The following PRR14 variants were observed in gnomAD, a reference collection of about 807,000 sequenced individuals.
PRR14 encodes proline-rich protein 14.
Under a neutral mutation model 57.2 loss-of-function variants are expected in PRR14, and 33 were observed. That is an observed-to-expected ratio of 0.58 (90% CI 0.44 to 0.77). The LOEUF (loss-of-function observed/expected upper bound fraction) is 0.77. Among genes scored for constraint, PRR14 ranks in the 30% least tolerant of loss-of-function variants. The probability of loss-of-function intolerance (pLI) is 0.00; values close to 1 mark genes in which losing one functional copy is unlikely to be tolerated. For synonymous variants in PRR14, 303 were observed against 314.7 expected (o/e 0.96, Z 0.39); for missense variants, 716 against 788.1 (o/e 0.91, Z 1.10).
chr16:30,655,292 G>A lies in PRR14; in HGVS notation c.1245-59G>A. 2 of 1,608,970 alleles carry A rather than the reference G, an allele frequency of 1.2e-6. No homozygotes were observed. The highest frequency in any genetic ancestry group is 1.7e-6 in the Non-Finnish European group (2 of 1,175,816). The stretch of plus-strand genomic sequence containing the variant: ...TCCTTCCCTGAGTATCCAGTGGGCA[G>A]GAGACGGGGGATAATGCAGTGAATC... On this transcript the variant is annotated intron_variant, in intron 8 of 11. Transcript: ENST00000300835. The surrounding 1 kb of genome is among the most constrained non-coding windows in gnomAD (Gnocchi z 4.6).
At chr16:30,650,930 G>A (rs2052304841), upstream of PRR14, 1 of 436,628 alleles carries the variant, frequency 2.3e-6, no homozygotes, top group Admixed American at 2.4e-5. Context: ...GACGCGAGGA[G>A]GGAAGGGGCG....
In PRR14 at chr16:30,651,471, G is replaced by C; in HGVS notation, c.-50-125G>C. The C allele has an allele frequency of 2.0e-6, 1 of 491,638 alleles. No individual in the cohort carries two copies. Among genetic ancestry groups the C allele is most frequent in the Non-Finnish European group, 3.5e-6 (1 of 281,846 alleles). The allele number at this position is 491,638 out of a possible 1,614,324, so 30.5% of individuals were successfully genotyped here. A position where few individuals can be genotyped will look rare whatever the true frequency, so the allele number is the denominator to read the frequency against. ...CCGCTCCGGGCGACCGGCCGGGGGC[G>C]CCCTTTCGCGCCCCAGGGCTGCGGC... On this transcript the variant is annotated intron_variant, in intron 1 of 11. Coordinates refer to ENST00000300835, the MANE Select transcript of PRR14 (RefSeq NM_024031.5). The surrounding 1 kb of genome is among the most constrained non-coding windows in gnomAD (Gnocchi z 5.0).
chr16:30,652,407 C>CT (rs1402108644), intron 3 of PRR14: 22 of 571,902 alleles, frequency 3.8e-5, no homozygotes, highest in Non-Finnish European at 7.1e-5. Context: ...AGGAAGCAGG[C>CT]TGAGGTCTTT....
In PRR14 at chr16:30,653,416, G is replaced by T. The variant is rs376992572; in HGVS notation, c.548+8G>T. The T allele has an allele frequency of 6.2e-7, 1 of 1,612,862 alleles. No homozygotes were observed. The highest frequency in any genetic ancestry group is 1.3e-5 in the African/African-American group (1 of 74,902). ...CATCATCCCAGCACAAAGGTGAGAG[G>T]GCTGGAGTAGGGATTATCAAAGGAT... is the stretch of plus-strand genomic sequence containing the variant. On this transcript the variant is annotated splice_region_variant and intron_variant, in intron 6 of 11. Transcript: ENST00000300835.
In PRR14 at chr16:30,653,346, A is replaced by G. The variant is rs1406570463; in HGVS notation, c.505-19A>G. The G allele has an allele frequency of 6.2e-7, 1 of 1,613,522 alleles. No homozygotes were observed. Among genetic ancestry groups the G allele is most frequent in the African/African-American group, 1.3e-5 (1 of 74,912 alleles). On this transcript the variant is annotated intron_variant, in intron 5 of 11. Transcript: ENST00000300835. ...GGGGCTTTCCTGCCTCCCCACAAAC[A>G]TCCCCTATTTTTATCCAGGGCTTCA...
Position 30,654,263 on chromosome 16 carries a change from G to A in PRR14, c.582G>A (p.Thr194=), listed in dbSNP as rs752297636. Reference sequence around the variant, plus strand: ...CCATGAGGATAGTTCGCCAGCCAACGCCTCCACCTGGGGACCTAGAACCCC... The same window carrying A: ...CCATGAGGATAGTTCGCCAGCCAACACCTCCACCTGGGGACCTAGAACCCC... ...AEPMRIVRQP[T]PPPGDLEPPF... The change falls in exon 7 of 12, where the codon ACG becomes ACA. Residue 194 remains threonine (T), a synonymous_variant. Transcript: ENST00000300835. The A allele has an allele frequency of 2.5e-6, 4 of 1,613,946 alleles. No individual in the cohort carries two copies. The African/African-American group carries it at 5.3e-5, about 22-fold the overall frequency.
chr16:30,654,563 C>A, intron 7 of PRR14, 66 bp from the exon 8 acceptor site: 1 of 1,303,962 alleles, frequency 7.7e-7, no homozygotes, highest in Non-Finnish European at 1.1e-6. Context: ...CAAAGTTGAG[C>A]ATGTGGGGAG....
chr16:30,651,701 G>C lies in PRR14; in HGVS notation c.23+33G>C. 1 of 1,612,244 alleles carries C rather than the reference G, an allele frequency of 6.2e-7. No homozygotes were observed. Among genetic ancestry groups the C allele is most frequent in the Non-Finnish European group, 8.5e-7 (1 of 1,179,678 alleles). On this transcript the variant is annotated intron_variant, in intron 2 of 11. Coordinates refer to ENST00000300835, the MANE Select transcript of PRR14 (RefSeq NM_024031.5). This position sits in a 1 kb window ranked among gnomAD's most constrained non-coding sequence, Gnocchi z 5.0. ...CGTACCCGGGCGGCCCGCCTGTCTT[G>C]ACCCCGGGAGATGGGGATCCTGGCG...
At chr16:30,650,925 G>C (rs1242674052), upstream of PRR14, 2 of 432,842 alleles carry the variant, frequency 4.6e-6, no homozygotes, top group East Asian at 1.5e-4. Context: ...GCGGGGACGC[G>C]AGGAGGGAAG....
chr16:30,651,271 A>T lies in PRR14; in HGVS notation c.-51+144A>T. ...AGGGATCCAGCGGAAATAGCCTCCC[A>T]GGACCGGGATCCCCGTGGATCCCGG... On this transcript the variant is annotated intron_variant, in intron 1 of 11. Coordinates refer to ENST00000300835, the MANE Select transcript of PRR14 (RefSeq NM_024031.5). The surrounding 1 kb of genome is among the most constrained non-coding windows in gnomAD (Gnocchi z 5.0). 3.0e-6 allele frequency: 1 copy of T among 331,908 alleles called. No individual in the cohort carries two copies. Among genetic ancestry groups the T allele is most frequent in the Non-Finnish European group, 6.0e-6 (1 of 167,476 alleles). The allele number at this position is 331,908 out of a possible 1,614,324, so 20.6% of individuals were successfully genotyped here. A position where few individuals can be genotyped will look rare whatever the true frequency, so the allele number is the denominator to read the frequency against.
At position 30,655,589 on chromosome 16, in the gene PRR14, A is replaced by G. The variant is rs1328875284; in HGVS notation, c.1402A>G (p.Ile468Val). The G allele has an allele frequency of 3.1e-6, 5 of 1,613,986 alleles. No individual in the cohort carries two copies. The highest frequency in any genetic ancestry group is 2.2e-5 in the East Asian group (1 of 44,878). ...NLTPMGLPRP[I>V]RLNKKEFSLE... ...TACACCAATGGGACTGCCTCGACCA[A>G]TCAGGTGAGGGGCTCACTGGGCATT... The change falls in exon 10 of 12, where the codon ATC becomes GTC. Residue 468 changes from isoleucine (I) to valine (V), a missense_variant. Coordinates refer to ENST00000300835, the MANE Select transcript of PRR14 (RefSeq NM_024031.5). The surrounding 1 kb of genome is among the most constrained non-coding windows in gnomAD (Gnocchi z 4.6).
Position 30,651,571 on chromosome 16 carries a change from C to T in PRR14, c.-50-25C>T. The T allele has an allele frequency of 2.2e-6, 2 of 903,934 alleles. No individual in the cohort carries two copies. The highest frequency in any genetic ancestry group is 3.1e-5 in the East Asian group (1 of 32,250). 56.0% of individuals were successfully genotyped at this position (903,934 alleles called of 1,614,324 possible). A position where few individuals can be genotyped will look rare whatever the true frequency, so the allele number is the denominator to read the frequency against. ...GGAAGGGGCCGGCCCTCACCCCCCG[C>T]TCCCCCGCTCCCCCCTTACCCCAGG... On this transcript the variant is annotated intron_variant, in intron 1 of 11. Coordinates refer to ENST00000300835, the MANE Select transcript of PRR14 (RefSeq NM_024031.5). This position sits in a 1 kb window ranked among gnomAD's most constrained non-coding sequence, Gnocchi z 5.0.
In PRR14 at chr16:30,651,294, C is replaced by T; in HGVS notation, c.-51+167C>T. On this transcript the variant is annotated intron_variant, in intron 1 of 11. Coordinates refer to ENST00000300835, the MANE Select transcript of PRR14 (RefSeq NM_024031.5). This position sits in a 1 kb window ranked among gnomAD's most constrained non-coding sequence, Gnocchi z 5.0. ...CCAGGACCGGGATCCCCGTGGATCC[C>T]GGGGGATCTCGGGGCATAATCTGCA... The T allele has an allele frequency of 2.9e-6, 1 of 340,362 alleles. No individual in the cohort carries two copies. The highest frequency in any genetic ancestry group is 2.1e-5 in the African/African-American group (1 of 46,916). 21.1% of individuals were successfully genotyped at this position (340,362 alleles called of 1,614,324 possible). A position where few individuals can be genotyped will look rare whatever the true frequency, so the allele number is the denominator to read the frequency against.
Position 30,652,753 on chromosome 16 carries a change from A to T in PRR14, c.225A>T (p.Ile75=). 1 of 1,613,948 alleles carries T rather than the reference A, an allele frequency of 6.2e-7. No homozygotes were observed. Among genetic ancestry groups the T allele is most frequent in the Non-Finnish European group, 8.5e-7 (1 of 1,179,972 alleles). ...TGGTGCCCTCAAAGCAGACCTCCAT[A>T]CCACAGCACCACAGCTACCATCAGG... ...VPVVPSKQTS[I]PQHHSYHQDP... The change falls in exon 4 of 12, where the codon ATA becomes ATT. Residue 75 remains isoleucine (I), a synonymous_variant. Transcript: ENST00000300835.
chr16:30,654,483 T>A (rs1220280580), intron 7 of PRR14, 144 bp downstream of exon 7: 1 of 961,958 alleles, frequency 1.0e-6, no homozygotes, highest in Non-Finnish European at 1.6e-6. Context: ...GATGTTGATG[T>A]CAGAGGCTTG....
At position 30,651,679 on chromosome 16, in the gene PRR14, AC is replaced by A. The variant is rs1304512807; in HGVS notation, c.23+14del. ...GCCCGGGGACTCCAGGTGAGAGCGT[AC>A]CCGGGCGGCCCGCCTGTCTTGACCC... On this transcript the variant is annotated intron_variant, in intron 2 of 11. Transcript: ENST00000300835. This position sits in a 1 kb window ranked among gnomAD's most constrained non-coding sequence, Gnocchi z 5.0. 2 of 1,609,620 alleles carry A rather than the reference AC, an allele frequency of 1.2e-6. No homozygotes were observed. Among genetic ancestry groups the A allele is most frequent in the East Asian group, 4.5e-5 (2 of 44,762 alleles).
chr16:30,653,000 C>T lies in PRR14; in HGVS notation c.401C>T (p.Thr134Ile), dbSNP rs1207598383. 2.5e-6 allele frequency: 4 copies of T among 1,614,040 alleles called. No individual in the cohort carries two copies. In the African/African-American group the frequency reaches 5.3e-5, roughly 22 times the overall value. ...ACCCTGAGGCGGCGATCAAGGACAA[C>T]CCCTGGCCCAGAGGAGGGCCCTTCA... ...SSTLRRRSRT[T>I]PGPEEGPSQK... Residue 134 changes from threonine (T) to isoleucine (I), a missense_variant, in exon 5 of 12, where the codon ACC becomes ATC. By Grantham distance (89) the Thr-to-Ile change is moderately conservative. Transcript: ENST00000300835.
chr16:30,652,700 T>C (rs2052325170), intron 3 of PRR14, 21 bp from the exon 4 acceptor site: 1 of 1,614,186 alleles, frequency 6.2e-7, no homozygotes, highest in Non-Finnish European at 8.5e-7. Context: ...ACCTTGCTCT[T>C]GACACCTCTT....
Position 30,653,377 on chromosome 16 carries a change from G to T in PRR14, c.517G>T (p.Glu173Ter). ...TATTTTTATCCAGGGCTTCATTGATGAGACCCCCAACTTCATCATCCCAGC... is the reference window on the plus strand; with the variant it reads ...TATTTTTATCCAGGGCTTCATTGATTAGACCCCCAACTTCATCATCCCAGC... ...PRPPAEGFIDETPNFIIPAQR... is the reference protein window; with the variant it reads ...PRPPAEGFID The change falls in exon 6 of 12, where the codon GAG becomes TAG. Residue 173 changes from glutamate (E) to a stop codon, truncating the protein, a stop_gained. Transcript: ENST00000300835. LOFTEE classifies it high-confidence loss of function. 6.2e-7 allele frequency: 1 copy of T among 1,613,896 alleles called. No individual in the cohort carries two copies. Among genetic ancestry groups the T allele is most frequent in the South Asian group, 1.1e-5 (1 of 91,056 alleles).
Sources: gnomAD v4.1 joint callset for allele counts on GRCh38, gnomAD v4.1.1 for gene constraint, Gnocchi (gnomAD v3.1) non-coding constraint, MANE v1.5 for transcripts, NCBI Gene and HGNC (gene_info 2026-07-23, HGNC 2026-07-21) for gene names.